Variants in WDFY3 observed in about 807,000 individuals in gnomAD.
WDFY3 encodes the protein WD repeat and FYVE domain-containing protein 3.
Under a neutral mutation model 409.6 loss-of-function variants are expected in WDFY3, and 66 were observed. That is an observed-to-expected ratio of 0.16 (90% confidence interval 0.13 to 0.20). WDFY3 has a LOEUF of 0.20. Among genes scored for constraint, WDFY3 ranks in the 10% least tolerant of loss-of-function variants. The probability of loss-of-function intolerance (pLI) is 1.00; values close to 1 mark genes in which losing one functional copy is unlikely to be tolerated. For missense variants in WDFY3, 3,031 were observed against 4,298.1 expected, an observed-to-expected ratio of 0.71 and a Z score of 8.24; for synonymous variants, 1,521 against 1,537.1, an observed-to-expected ratio of 0.99 and a Z score of 0.25.
In WDFY3 at chr4:84,709,364, A is replaced by G; in HGVS notation, c.8043-17T>C. Reference sequence around the variant, plus strand: ...AACCCAGATCTAAAAGCAATACATAATACAATAAATTACAAGCAATAAAAT... The same window carrying G: ...AACCCAGATCTAAAAGCAATACATAGTACAATAAATTACAAGCAATAAAAT... On this transcript the variant is annotated splice_polypyrimidine_tract_variant and intron_variant, in intron 51 of 67. Transcript: ENST00000295888. 1 of 1,582,184 alleles carries G rather than the reference A, an allele frequency of 6.3e-7. No individual in the cohort carries two copies. The highest frequency in any genetic ancestry group is 1.2e-5 in the South Asian group (1 of 85,070).
intron 3 of WDFY3, among the ~76,000 whole-genome samples, chr4:84,870,328 G>A (rs902866813): frequency 6.6e-6 from 1 of 152,162 alleles, no homozygotes; most frequent in Non-Finnish European, 1.5e-5. Flanking sequence ...TCAAAGAACT[G>A]AGGTCGCAGG....
intron 17 of WDFY3, among the ~76,000 whole-genome samples, chr4:84,799,549 T>C (rs959936356): frequency 6.6e-6 from 1 of 152,132 alleles, no homozygotes; most frequent in African/African-American, 2.4e-5. Context: ...TCTGCCCCTA[T>C]ATAAACTCTG....
chr4:84,845,489 T>C (rs1345504602), intron 5 of WDFY3, among the ~76,000 whole-genome samples: 2 of 152,268 alleles, frequency 1.3e-5, no homozygotes, highest in East Asian at 3.9e-4. Flanking sequence ...CAAAAAGCTC[T>C]AGAGATCTGC....
intron 1 of WDFY3, among the ~76,000 whole-genome samples, chr4:84,948,337 G>C (rs1773161921): frequency 1.3e-5 from 2 of 151,918 alleles, no homozygotes; most frequent in African/African-American, 4.8e-5. Flanking sequence ...GTTAGTATGA[G>C]GCATCAGCAG....
At chr4:84,859,001 T>A in intron 4 of WDFY3, among the ~76,000 whole-genome samples, 1 of 144,966 alleles carries the variant, frequency 6.9e-6, no homozygotes, top group Admixed American at 6.9e-5. Flanking sequence ...AAGAAAGAAA[T>A]GGAAACAGGG....
Position 84,671,484 on chromosome 4 carries a change from A to AAT in WDFY3, c.*1382_*1383dup, listed in dbSNP as rs951885827. 6.7e-6 allele frequency: 1 copy of AAT among 149,274 alleles called. No individual in the cohort carries two copies. The highest frequency in any genetic ancestry group is 1.5e-5 in the Non-Finnish European group (1 of 67,302). The allele number at this position is 149,274 out of a possible 1,614,324, so 9.2% of individuals were successfully genotyped here. A position where few individuals can be genotyped will look rare whatever the true frequency, so the allele number is the denominator to read the frequency against. On this transcript the variant is annotated 3_prime_UTR_variant, in exon 68 of 68. Transcript: ENST00000295888. ...AATCTAGATTAATTGTTTCATTTTT[A>AAT]ATATATATTATATATATATATATAT... is the stretch of plus-strand genomic sequence containing the variant.
intron 36 of WDFY3, among the ~76,000 whole-genome samples, chr4:84,745,763 A>T (rs914954984): frequency 5.3e-5 from 8 of 152,166 alleles, no homozygotes; most frequent in African/African-American, 1.9e-4. Flanking sequence ...GTATTTGAAC[A>T]GATTAATACA....
intron 44 of WDFY3, 29 bp downstream of exon 44, chr4:84,733,353 A>T (rs1440475326): frequency 1.2e-6 from 2 of 1,605,886 alleles, no homozygotes; most frequent in African/African-American, 2.7e-5. Flanking sequence ...TGAAAGAGCC[A>T]TTGTGATCAT....
chr4:84,792,663 T>C (rs999212539), intron 21 of WDFY3, among the ~76,000 whole-genome samples: 9 of 152,182 alleles, frequency 5.9e-5, no homozygotes, highest in African/African-American at 2.2e-4. Context: ...ATATGGACTA[T>C]AGCAGCCTGG....
At chr4:84,902,496 T>C (rs1241029589) in intron 2 of WDFY3, among the ~76,000 whole-genome samples, 2 of 152,310 alleles carry the variant, frequency 1.3e-5, no homozygotes, top group African/African-American at 2.4e-5. Context: ...TAACAGACCA[T>C]GTCTCAAGTT....
intron 50 of WDFY3, among the ~76,000 whole-genome samples, chr4:84,714,813 G>T (rs995481673): frequency 1.3e-5 from 2 of 152,008 alleles, no homozygotes; most frequent in African/African-American, 4.8e-5. Flanking sequence ...AGCCGGGGAT[G>T]GTGGCGGGTG....
At position 84,737,276 on chromosome 4, in the gene WDFY3, G is replaced by A. The variant is rs1259573255; in HGVS notation, c.6665C>T (p.Thr2222Ile). The A allele has an allele frequency of 1.2e-6, 2 of 1,613,914 alleles. No homozygotes were observed. Among genetic ancestry groups the A allele is most frequent in the Non-Finnish European group, 1.7e-6 (2 of 1,180,022 alleles). The change falls in exon 41 of 68, where the codon ACT becomes ATT. Residue 2222 changes from threonine (T) to isoleucine (I), a missense_variant. Around this residue, in one of 16 missense-constraint regions of WDFY3, gnomAD observed 314 missense variants for 397.4 expected, o/e 0.79. Coordinates refer to ENST00000295888, the MANE Select transcript of WDFY3 (RefSeq NM_014991.6). ...GTGGCCCCTTTCATTCACAGGTAGA[G>A]TTACTTTGAAAAGTTCCTCTAAGAC... Reference protein sequence around the residue: ...KQVLEELFKVTLPVNERGHVD... With the variant: ...KQVLEELFKVILPVNERGHVD...
intron 1 of WDFY3, among the ~76,000 whole-genome samples, chr4:84,959,183 C>CA (rs1313695486): frequency 6.6e-6 from 1 of 151,942 alleles, no homozygotes; most frequent in African/African-American, 2.4e-5. Flanking sequence ...GAATGGCTGT[C>CA]AGAGATGTGA....
At chr4:84,951,346 C>T (rs756464088) in intron 1 of WDFY3, among the ~76,000 whole-genome samples, 9 of 152,168 alleles carry the variant, frequency 5.9e-5, no homozygotes, top group Non-Finnish European at 1.2e-4. Context: ...TCCTTTGTAA[C>T]AGAAGTCACA....
At chr4:84,907,092 C>T (rs1240553144) in intron 2 of WDFY3, among the ~76,000 whole-genome samples, 3 of 152,016 alleles carry the variant, frequency 2.0e-5, no homozygotes, top group African/African-American at 4.8e-5. Flanking sequence ...TCCATTTGGA[C>T]AAAAGTATTT....
chr4:84,723,741 G>A (rs1389559326), intron 46 of WDFY3, among the ~76,000 whole-genome samples: 1 of 152,204 alleles, frequency 6.6e-6, no homozygotes, highest in Non-Finnish European at 1.5e-5. Context: ...AGTGAACAGA[G>A]GAGTTGGAGA....
At chr4:84,690,075 T>G (rs1729003342) in intron 61 of WDFY3, among the ~76,000 whole-genome samples, 1 of 152,102 alleles carries the variant, frequency 6.6e-6, no homozygotes. Flanking sequence ...AATATATTCA[T>G]GAGTTTGGCA....
In WDFY3 at chr4:84,821,112, C is replaced by T; in HGVS notation, c.1563G>A (p.Lys521=). 2 of 1,612,612 alleles carry T rather than the reference C, an allele frequency of 1.2e-6. No individual in the cohort carries two copies. The highest frequency in any genetic ancestry group is 1.7e-6 in the Non-Finnish European group (2 of 1,179,372). The change falls in exon 11 of 68, where the codon AAG becomes AAA. Residue 521 remains lysine, a synonymous_variant. Coordinates refer to ENST00000295888, the MANE Select transcript of WDFY3 (RefSeq NM_014991.6). ...GTTCATTTAGTGCCTGAGTTGGATC[C>T]TTCAACAGGGCAGCATATTTATGCA... is the stretch of plus-strand genomic sequence containing the variant. ...NLLHKYAALL[K]DPTQALNEQG... is the part of the protein sequence containing the mutation.
intron 3 of WDFY3, among the ~76,000 whole-genome samples, chr4:84,861,840 C>T (rs1290822236): frequency 6.6e-6 from 1 of 152,156 alleles, no homozygotes; most frequent in Non-Finnish European, 1.5e-5. Context: ...TTAACCACTA[C>T]TAATGATGCC....
Sources: gnomAD v4.1 joint callset for allele counts (sites outside exome capture counted in the v4.1 genomes callset) on GRCh38, gnomAD v4.1.1 for gene constraint, gnomAD v4.1.1 regional missense constraint, MANE v1.5 for transcripts, NCBI Gene and HGNC (gene_info 2026-07-23, HGNC 2026-07-21) for gene names.